The following FAM227A variants were observed in gnomAD, a reference collection of about 807,000 sequenced individuals.
FAM227A encodes the protein protein FAM227A.
FAM227A carries 80 observed loss-of-function variants against 74.7 expected under a neutral mutation model. The ratio of observed to expected loss-of-function variants is 1.07; its 90% CI spans 0.89 to 1.29. The LOEUF (loss-of-function observed/expected upper bound fraction) is 1.29. Among genes scored for constraint, FAM227A ranks in the 50% most tolerant of loss-of-function variants. FAM227A has a pLI of 0.00. For missense variants in FAM227A, 654 were observed against 683.4 expected, an observed-to-expected ratio of 0.96 and a Z score of 0.48; for synonymous variants, 237 against 241.8, an observed-to-expected ratio of 0.98 and a Z score of 0.19.
chr22:38,604,797 G>A (rs2091250430), intron 13 of FAM227A, among the ~76,000 whole-genome samples: 1 of 152,038 alleles, frequency 6.6e-6, no homozygotes, highest in African/African-American at 2.4e-5. Context: ...GGGATTATAG[G>A]CACGCCACCG....
chr22:38,635,763 A>G (rs1428625200), intron 6 of FAM227A, among the ~76,000 whole-genome samples: 2 of 152,144 alleles, frequency 1.3e-5, no homozygotes, highest in African/African-American at 4.8e-5. Context: ...GAGGCCGAGG[A>G]TGGGGAGGGG....
chr22:38,650,133 G>A lies in FAM227A; in HGVS notation c.36C>T (p.Leu12=), dbSNP rs2092303591. The change falls in exon 2 of 17, where the codon CTC becomes CTT. Residue 12 remains leucine, a synonymous_variant. Transcript: ENST00000535113. ...CCACTGGTATCATAGGTAGGGTGGT[G>A]AGGTTGATGACCTCCATCTTCCTGA... ...NHFRKMEVIN[L]TTLPMIPVDE... is the part of the protein sequence containing the mutation. 1 of 1,551,624 alleles carries A rather than the reference G, an allele frequency of 6.4e-7. No homozygotes were observed. The highest frequency in any genetic ancestry group is 2.0e-5 in the Admixed American group (1 of 50,972).
chr22:38,620,183 G>A, intron 11 of FAM227A, 29 bp downstream of exon 11: 1 of 1,513,192 alleles, frequency 6.6e-7, no homozygotes, highest in South Asian at 1.2e-5. Context: ...GGACTCCAAA[G>A]GGGTCCTGGT....
At chr22:38,639,402 C>T (rs550984617) in intron 4 of FAM227A, among the ~76,000 whole-genome samples, 59 of 147,004 alleles carry the variant, frequency 4.0e-4, no homozygotes, top group Middle Eastern at 6.9e-3. Flanking sequence ...GAGCGAGACT[C>T]CGTCTCGAAA....
intron 11 of FAM227A, among the ~76,000 whole-genome samples, chr22:38,614,068 G>T (rs755458038): frequency 2.0e-5 from 3 of 152,144 alleles, no homozygotes; most frequent in African/African-American, 7.2e-5. Flanking sequence ...GTTTCACCAT[G>T]TTGGCCAGGT....
intron 9 of FAM227A, 138 bp downstream of exon 9, chr22:38,626,042 G>GCT (rs1418770850): frequency 1.2e-6 from 1 of 815,452 alleles, no homozygotes; most frequent in Non-Finnish European, 1.9e-6. Context: ...CACATACTTT[G>GCT]CTCTCTTTAA....
At chr22:38,625,867 T>G (rs901700975) in intron 9 of FAM227A, among the ~76,000 whole-genome samples, 1 of 142,822 alleles carries the variant, frequency 7.0e-6, no homozygotes, top group East Asian at 2.1e-4. Flanking sequence ...CACTTGAACC[T>G]GGGAGGCGGA....
Position 38,650,095 on chromosome 22 carries a change from G to C in FAM227A, c.74C>G (p.Ala25Gly), listed in dbSNP as rs543499033. 2.6e-6 allele frequency: 4 copies of C among 1,552,018 alleles called. No individual in the cohort carries two copies. The highest frequency in any genetic ancestry group is 3.5e-6 in the Non-Finnish European group (4 of 1,147,020). The stretch of plus-strand genomic sequence containing the variant: ...TGTATTCCGTGCGACAAGCGAGACA[G>C]CCAGGTGCTCATCCACTGGTATCAT... The part of the protein sequence containing the change: ...LPMIPVDEHL[A>G]VSLVARNTMV... Residue 25 changes from alanine (A) to glycine (G), a missense_variant, in exon 2 of 17, where the codon GCT (alanine) becomes GGT (glycine). Coordinates refer to ENST00000535113, the MANE Select transcript of FAM227A (RefSeq NM_001013647.2).
chr22:38,599,453 T>C (rs2091123678), intron 14 of FAM227A, among the ~76,000 whole-genome samples: 1 of 152,196 alleles, frequency 6.6e-6, no homozygotes, highest in African/African-American at 2.4e-5. Context: ...GGAAGCACTA[T>C]TTAGTTTCAA....
chr22:38,650,402 C>T (rs1419838698), intron 1 of FAM227A, 140 bp from the exon 2 acceptor site: 1 of 518,232 alleles, frequency 1.9e-6, no homozygotes, highest in Non-Finnish European at 3.5e-6. Context: ...GTCTGAGAAG[C>T]CTATTCTTAA....
chr22:38,643,725 AT>A (rs1254610301), intron 3 of FAM227A, among the ~76,000 whole-genome samples: 3 of 152,212 alleles, frequency 2.0e-5, no homozygotes, highest in Non-Finnish European at 4.4e-5. Context: ...TTTATCTGTA[AT>A]TGCCAAAACT....
At chr22:38,592,393 A>C (rs1217938148) in intron 15 of FAM227A, among the ~76,000 whole-genome samples, 1 of 152,218 alleles carries the variant, frequency 6.6e-6, no homozygotes, top group Non-Finnish European at 1.5e-5. Flanking sequence ...TATTTCTGAA[A>C]TATATAAGCT....
At chr22:38,624,908 C>T (rs2091765017) in intron 9 of FAM227A, among the ~76,000 whole-genome samples, 1 of 152,164 alleles carries the variant, frequency 6.6e-6, no homozygotes. Flanking sequence ...ACGCAGAGAC[C>T]TATGAGTTCT....
Position 38,585,987 on chromosome 22 carries a change from A to C in FAM227A, c.*138T>G. Reference sequence around the variant, plus strand: ...TCAGCCTAGGAAAAACTACAACGGAATCCTTCCCCTATGGAGAAATCATGA... The same window carrying C: ...TCAGCCTAGGAAAAACTACAACGGACTCCTTCCCCTATGGAGAAATCATGA... On this transcript the variant is annotated 3_prime_UTR_variant, in exon 17 of 17. Coordinates refer to ENST00000535113, the MANE Select transcript of FAM227A (RefSeq NM_001013647.2). 1.3e-6 allele frequency: 2 copies of C among 1,520,290 alleles called. No individual in the cohort carries two copies. Among genetic ancestry groups the C allele is most frequent in the South Asian group, 2.5e-5 (2 of 79,858 alleles). The allele number at this position is 1,520,290 out of a possible 1,614,324, so 94.2% of individuals were successfully genotyped here.
chr22:38,596,442 A>C (rs1157803685), intron 15 of FAM227A, among the ~76,000 whole-genome samples: 2 of 152,194 alleles, frequency 1.3e-5, no homozygotes, highest in East Asian at 1.9e-4. Context: ...ACTCCAGAGG[A>C]GGCTAAGGAA....
Position 38,628,696 on chromosome 22 carries a change from A to G in FAM227A, c.621+138T>C, listed in dbSNP as rs953093045. The G allele has an allele frequency of 8.9e-6, 6 of 674,040 alleles. No homozygotes were observed. In the African/African-American group the frequency reaches 1.1e-4, roughly 12 times the overall value. 41.8% of individuals were successfully genotyped at this position (674,040 alleles called of 1,614,324 possible). On this transcript the variant is annotated intron_variant, in intron 7 of 16. Coordinates refer to ENST00000535113, the MANE Select transcript of FAM227A (RefSeq NM_001013647.2). Reference sequence around the variant, plus strand: ...GTGTGTGGCTGAGGCATGGGACGGGAGGGGACTGGGTGACAGGGGAGGCTG... The same window carrying G: ...GTGTGTGGCTGAGGCATGGGACGGGGGGGGACTGGGTGACAGGGGAGGCTG...
chr22:38,652,652 C>A (rs565079956), intron 1 of FAM227A, among the ~76,000 whole-genome samples: 1 of 150,538 alleles, frequency 6.6e-6, no homozygotes, highest in Non-Finnish European at 1.5e-5. Flanking sequence ...TTTGGGAAGC[C>A]GAGGCAGGTG....
chr22:38,631,874 A>G (rs560687411), intron 6 of FAM227A, among the ~76,000 whole-genome samples: 79 of 152,328 alleles, frequency 5.2e-4, no homozygotes, highest in African/African-American at 1.7e-3. Flanking sequence ...AGGGGATTAG[A>G]ACTGCAAGGC....
At chr22:38,629,889 C>A (rs578079878) in intron 6 of FAM227A, among the ~76,000 whole-genome samples, 1 of 112,992 alleles carries the variant, frequency 8.9e-6, no homozygotes, top group African/African-American at 3.8e-5. Context: ...CACACAGGTG[C>A]CTCTCCTTTA....
Sources: gnomAD v4.1 joint callset for allele counts (sites outside exome capture counted in the v4.1 genomes callset) on GRCh38, gnomAD v4.1.1 for gene constraint, MANE v1.5 for transcripts, NCBI Gene and HGNC (gene_info 2026-07-23, HGNC 2026-07-21) for gene names.